Variants in SHANK2 observed in about 807,000 individuals in gnomAD.
SHANK2 encodes SH3 and multiple ankyrin repeat domains protein 2.
A neutral mutation model predicts 133.7 loss-of-function variants in SHANK2; 43 were observed. The observed-to-expected ratio is 0.32, with a 90% CI of 0.25 to 0.41. SHANK2 has a LOEUF of 0.41. Ranked by LOEUF, SHANK2 falls within the 10% of genes least tolerant of loss-of-function variation. The pLI, the probability that SHANK2 is intolerant of heterozygous loss-of-function variation, is 1.00. For synonymous variants in SHANK2, 1,017 were observed against 952.8 expected, an observed-to-expected ratio of 1.07 and a Z score of -1.24; for missense variants, 1,994 against 2,235.8, an observed-to-expected ratio of 0.89 and a Z score of 2.18.
chr11:70,934,930 C>A (rs1225808588), intron 10 of SHANK2, among the ~76,000 whole-genome samples: 9 of 152,100 alleles, frequency 5.9e-5, no homozygotes, highest in African/African-American at 2.2e-4. Flanking sequence ...GACGCAGCAG[C>A]CGTGTGGAAG....
chr11:70,754,582 G>A (rs750781055), intron 14 of SHANK2, among the ~76,000 whole-genome samples: 1 of 152,168 alleles, frequency 6.6e-6, no homozygotes, highest in Non-Finnish European at 1.5e-5. Flanking sequence ...CGGTGAGCTC[G>A]AGCAGAGCCC....
chr11:71,086,018 CATATT>C (rs1951398923), intron 8 of SHANK2, among the ~76,000 whole-genome samples: 1 of 74,624 alleles, frequency 1.3e-5, no homozygotes, highest in South Asian at 5.0e-4. Flanking sequence ...TTATATATAA[CATATT>C]ATATGTTATA....
chr11:70,930,658 T>C (rs1950489666), intron 10 of SHANK2, among the ~76,000 whole-genome samples: 4 of 136,070 alleles, frequency 2.9e-5, no homozygotes. Flanking sequence ...TATTTCTTTG[T>C]CTTTTTTTTT....
chr11:70,487,737 G>A lies in SHANK2; in HGVS notation c.2573-17C>T, dbSNP rs189795571. The A allele has an allele frequency of 3.7e-5, 58 of 1,551,834 alleles. No homozygotes were observed. The East Asian group carries it at 1.4e-3, about 38-fold the overall frequency. ...CTGTTATTCCTACAAGCAGAAAACA[G>A]GTTTAGCTTTAAGTCACAATAGCAA... On this transcript the variant is annotated splice_polypyrimidine_tract_variant and intron_variant, in intron 24 of 25. Coordinates refer to ENST00000601538, the MANE Select transcript of SHANK2 (RefSeq NM_012309.5). This position sits in a 1 kb window ranked among gnomAD's most constrained non-coding sequence, Gnocchi z 5.8.
At chr11:70,653,567 C>CAAAAAAAAAAAA (rs1157982312) in intron 17 of SHANK2, among the ~76,000 whole-genome samples, 1 of 61,780 alleles carries the variant, frequency 1.6e-5, no homozygotes, top group African/African-American at 5.5e-5. Context: ...CTCAGCCTTC[C>CAAAAAAAAAAAA]AAAAAAAAAA....
intron 17 of SHANK2, among the ~76,000 whole-genome samples, chr11:70,540,852 A>C (rs2059612829): frequency 6.6e-6 from 1 of 151,628 alleles, no homozygotes; most frequent in East Asian, 1.9e-4. Flanking sequence ...CAAAAAAAAA[A>C]AAAAAAAAAC....
chr11:71,093,026 G>C (rs1555094426), intron 7 of SHANK2, among the ~76,000 whole-genome samples: 2 of 119,238 alleles, frequency 1.7e-5, no homozygotes, highest in Non-Finnish European at 1.7e-5. Context: ...TGGGCAACAA[G>C]AGCAAAGCTC....
intron 17 of SHANK2, among the ~76,000 whole-genome samples, chr11:70,644,461 C>T (rs1276022997): frequency 6.6e-6 from 1 of 152,218 alleles, no homozygotes; most frequent in Non-Finnish European, 1.5e-5. Flanking sequence ...TTGGCCACTC[C>T]TGGCATCTGT....
intron 5 of SHANK2, 105 bp from the exon 6 acceptor site, chr11:71,110,154 C>T: frequency 2.4e-6 from 2 of 832,012 alleles, no homozygotes; most frequent in Admixed American, 2.1e-5. Flanking sequence ...ATTAGCCAGA[C>T]ATGGCTGCAC....
chr11:70,631,435 T>G (rs1363992462), intron 17 of SHANK2, among the ~76,000 whole-genome samples: 3 of 145,440 alleles, frequency 2.1e-5, no homozygotes, highest in Non-Finnish European at 3.0e-5. Flanking sequence ...CCCACCTGCC[T>G]TCTCCAAATA....
chr11:70,599,071 A>T (rs921054913), intron 17 of SHANK2, among the ~76,000 whole-genome samples: 8 of 152,064 alleles, frequency 5.3e-5, no homozygotes, highest in African/African-American at 1.9e-4. Context: ...AAAAAAAGAG[A>T]AAGGAAGAAA....
chr11:70,905,716 C>T (rs937895724), intron 10 of SHANK2, among the ~76,000 whole-genome samples: 9 of 152,264 alleles, frequency 5.9e-5, no homozygotes, highest in Middle Eastern at 6.8e-3. Flanking sequence ...TCAGACAGCC[C>T]ATCTGCTGGC....
At position 71,197,846 on chromosome 11, in the gene SHANK2, C is replaced by T. The variant is rs1168252902; in HGVS notation, c.-13+26851G>A. Among the ~76,000 whole-genome samples the T allele has an allele frequency of 2.0e-5, 3 of 152,174 alleles. No individual in the cohort carries two copies. The South Asian group carries it at 6.2e-4, about 32-fold the overall frequency. On this transcript the variant is annotated intron_variant, in intron 2 of 25. Coordinates refer to ENST00000601538, the MANE Select transcript of SHANK2 (RefSeq NM_012309.5). Reference sequence around the variant, plus strand: ...ATTAACCGAAAGGCCATTTCTGAGCCACATCGCTTACCCATGCTCAGCCCC... The same window carrying T: ...ATTAACCGAAAGGCCATTTCTGAGCTACATCGCTTACCCATGCTCAGCCCC...
intron 11 of SHANK2, among the ~76,000 whole-genome samples, chr11:70,860,452 G>A (rs1949241173): frequency 6.6e-6 from 1 of 152,242 alleles, no homozygotes; most frequent in South Asian, 2.1e-4. Flanking sequence ...AATGCAGGAA[G>A]GAATAAGGGA....
chr11:71,223,329 G>C (rs781871202), intron 2 of SHANK2, among the ~76,000 whole-genome samples: 3 of 152,186 alleles, frequency 2.0e-5, no homozygotes, highest in African/African-American at 2.4e-5. Context: ...AGAGATAAAC[G>C]ATCAGCACAG....
chr11:70,663,075 G>A (rs1289969641), intron 15 of SHANK2, among the ~76,000 whole-genome samples: 3 of 152,170 alleles, frequency 2.0e-5, no homozygotes, highest in Admixed American at 6.5e-5. Flanking sequence ...CGGGGGTGAG[G>A]AGAAAGGACA....
chr11:70,777,829 T>C (rs980978119), intron 14 of SHANK2, among the ~76,000 whole-genome samples: 1 of 152,182 alleles, frequency 6.6e-6, no homozygotes, highest in Admixed American at 6.5e-5. Context: ...TGCTTAAAAA[T>C]ACAGATTCCC....
At chr11:70,835,860 A>T (rs574323685) in intron 11 of SHANK2, among the ~76,000 whole-genome samples, 2 of 152,082 alleles carry the variant, frequency 1.3e-5, no homozygotes, top group Non-Finnish European at 1.5e-5. Context: ...GGCTAGACAA[A>T]CCCAGGCAGG....
chr11:71,089,807 A>C (rs1334700731), intron 8 of SHANK2, among the ~76,000 whole-genome samples: 4 of 152,328 alleles, frequency 2.6e-5, no homozygotes, highest in African/African-American at 9.6e-5. Flanking sequence ...AGAGGCTCAG[A>C]AGGGCCAGGC....
Sources: gnomAD v4.1 joint callset for allele counts (sites outside exome capture counted in the v4.1 genomes callset) on GRCh38, gnomAD v4.1.1 for gene constraint, Gnocchi (gnomAD v3.1) non-coding constraint, MANE v1.5 for transcripts, NCBI Gene and HGNC (gene_info 2026-07-23, HGNC 2026-07-21) for gene names.